WIF1: variants seen among roughly 807,000 people sequenced by gnomAD.
WIF1 encodes Wnt inhibitory factor 1.
In WIF1, 35 loss-of-function variants were observed where a neutral mutation model predicts 53.5. That is an observed-to-expected ratio of 0.65 (90% CI 0.50 to 0.87). WIF1 has a LOEUF of 0.87. Ranked by LOEUF, WIF1 falls within the 40% of genes least tolerant of loss-of-function variation. The pLI is 0.00. For synonymous variants in WIF1, 171 were observed against 170.4 expected, an observed-to-expected ratio of 1.00 and a Z score of -0.03; for missense variants, 467 against 476.8, an observed-to-expected ratio of 0.98 and a Z score of 0.19.
intron 7 of WIF1, among the ~76,000 whole-genome samples, chr12:65,060,418 A>G (rs886847365): frequency 1.3e-5 from 2 of 152,218 alleles, no homozygotes; most frequent in South Asian, 4.1e-4. Flanking sequence ...AAAACACTAG[A>G]ATGAACCCAG....
intron 9 of WIF1, among the ~76,000 whole-genome samples, chr12:65,052,387 G>C (rs1339915383): frequency 6.6e-6 from 1 of 152,162 alleles, no homozygotes; most frequent in Non-Finnish European, 1.5e-5. Flanking sequence ...CAATGAGTTG[G>C]AGTAAATCTC....
intron 3 of WIF1, among the ~76,000 whole-genome samples, chr12:65,072,939 AT>A (rs1565751898): frequency 6.6e-6 from 1 of 152,214 alleles, no homozygotes; most frequent in Non-Finnish European, 1.5e-5. Context: ...AGCAGATCGA[AT>A]ATAACTCACA....
chr12:65,090,044 G>T (rs1181607501), intron 2 of WIF1, among the ~76,000 whole-genome samples: 22 of 152,096 alleles, frequency 1.4e-4, no homozygotes, highest in Non-Finnish European at 8.8e-5. Context: ...TCCATTTAAG[G>T]TATGAAATTT....
At chr12:65,054,997 TTGAC>T in intron 9 of WIF1, 117 bp downstream of exon 9, 1 of 971,368 alleles carries the variant, frequency 1.0e-6, no homozygotes. Flanking sequence ...GAGTTATAGG[TTGAC>T]TGTTAGCCTT....
At chr12:65,110,663 T>G (rs1005557989) in intron 2 of WIF1, among the ~76,000 whole-genome samples, 2 of 114,376 alleles carry the variant, frequency 1.7e-5, no homozygotes, top group Non-Finnish European at 3.6e-5. Context: ...GGAATCATAA[T>G]GAGACCTACC....
intron 9 of WIF1, among the ~76,000 whole-genome samples, chr12:65,053,746 AC>A (rs538924837): frequency 5.1e-4 from 78 of 152,294 alleles, no homozygotes; most frequent in Non-Finnish European, 9.1e-4. Flanking sequence ...AACTACATAT[AC>A]ACTTATTTTA....
rs572501889 is a variant in WIF1, at chr12:65,119,598, A to G, written c.288+819T>C. ...ACCGAAAAATGTGGTTTTAATTATA[A>G]TTATAATGATTTTCATAGTAGACAC... On this transcript the variant is annotated intron_variant, in intron 2 of 9. Transcript: ENST00000286574. 2.5e-4 allele frequency among the ~76,000 whole-genome samples: 37 copies of G among 149,376 alleles called. No homozygotes were observed. The East Asian group carries it at 7.1e-3, about 28-fold the overall frequency.
intron 2 of WIF1, among the ~76,000 whole-genome samples, chr12:65,113,981 C>T (rs921010537): frequency 3.3e-5 from 5 of 152,098 alleles, no homozygotes; most frequent in South Asian, 2.1e-4. Flanking sequence ...AGGTATGAAA[C>T]CACTTGGGTC....
At chr12:65,081,882 A>T (rs1882956567) in intron 2 of WIF1, among the ~76,000 whole-genome samples, 1 of 152,074 alleles carries the variant, frequency 6.6e-6, no homozygotes, top group South Asian at 2.1e-4. Flanking sequence ...AAGAAAAAAG[A>T]AAAATTTTAA....
At position 65,051,412 on chromosome 12, in the gene WIF1, G is replaced by T. The variant is rs201261424; in HGVS notation, c.1077C>A (p.His359Gln). The change falls in exon 10 of 10, where the codon CAC becomes CAA. Residue 359 changes from histidine (H) to glutamine (Q), a missense_variant. Transcript: ENST00000286574. ...CCTCGGCCTTTTTAAGTGAAGGCGT[G>T]TGCTGCCTGAGCTGGGCGCCTGCTG... is the stretch of plus-strand genomic sequence containing the variant. ...LRPAGAQLRQ[H>Q]TPSLKKAEER... The T allele has an allele frequency of 6.2e-7, 1 of 1,613,826 alleles. No homozygotes were observed. The highest frequency in any genetic ancestry group is 1.1e-5 in the South Asian group (1 of 91,002).
chr12:65,083,367 T>G (rs948525728), intron 2 of WIF1, among the ~76,000 whole-genome samples: 14 of 152,194 alleles, frequency 9.2e-5, no homozygotes, highest in African/African-American at 3.4e-4. Context: ...AATTGCCAGA[T>G]CTCACATTCT....
At chr12:65,116,811 TA>T (rs1262507386) in intron 2 of WIF1, among the ~76,000 whole-genome samples, 1 of 151,616 alleles carries the variant, frequency 6.6e-6, no homozygotes, top group Non-Finnish European at 1.5e-5. Flanking sequence ...CACGTGCCTG[TA>T]ATCCCAGCTA....
At chr12:65,054,909 A>G (rs1882500134) in intron 9 of WIF1, among the ~76,000 whole-genome samples, 1 of 152,182 alleles carries the variant, frequency 6.6e-6, no homozygotes, top group Non-Finnish European at 1.5e-5. Flanking sequence ...CTTAGACTCT[A>G]AAGTTTAAAG....
intron 2 of WIF1, among the ~76,000 whole-genome samples, chr12:65,078,940 G>A (rs1373092567): frequency 4.6e-5 from 7 of 152,204 alleles, no homozygotes; most frequent in East Asian, 1.9e-4. Flanking sequence ...TGAGGTGGGC[G>A]GATCACTTGA....
At chr12:65,106,612 T>C (rs778154669) in intron 2 of WIF1, among the ~76,000 whole-genome samples, 16 of 152,024 alleles carry the variant, frequency 1.1e-4, no homozygotes, top group Non-Finnish European at 2.2e-4. Context: ...TCCCAAAGTG[T>C]TGGGATTACA....
intron 2 of WIF1, among the ~76,000 whole-genome samples, chr12:65,116,911 C>T (rs143793758): frequency 2.0e-3 from 236 of 116,594 alleles, no homozygotes; most frequent in African/African-American, 7.1e-3. Flanking sequence ...CCAGCCTGGG[C>T]GACAGAGTGA....
intron 2 of WIF1, among the ~76,000 whole-genome samples, chr12:65,088,054 GT>G (rs1883066448): frequency 6.6e-6 from 1 of 152,068 alleles, no homozygotes; most frequent in Non-Finnish European, 1.5e-5. Context: ...TATTCATTCT[GT>G]TTAAGAAAAA....
At chr12:65,061,251 T>A (rs1041234140) in intron 7 of WIF1, among the ~76,000 whole-genome samples, 1 of 152,174 alleles carries the variant, frequency 6.6e-6, no homozygotes, top group African/African-American at 2.4e-5. Context: ...ACAAATAAAT[T>A]AGAGGTTGAA....
intron 7 of WIF1, among the ~76,000 whole-genome samples, chr12:65,059,058 A>G (rs1882572014): frequency 6.6e-6 from 1 of 151,912 alleles, no homozygotes; most frequent in African/African-American, 2.4e-5. Flanking sequence ...TCTCAAAAAA[A>G]GAAAAAAAAA....
Sources: gnomAD v4.1 joint callset for allele counts (sites outside exome capture counted in the v4.1 genomes callset) on GRCh38, gnomAD v4.1.1 for gene constraint, MANE v1.5 for transcripts, NCBI Gene and HGNC (gene_info 2026-07-23, HGNC 2026-07-21) for gene names.